Variants in COLEC11 observed in about 807,000 individuals in gnomAD.
COLEC11 encodes collectin subfamily member 11, also known as collectin-11.
In COLEC11, 20 loss-of-function variants were observed where a neutral mutation model predicts 27.3. The observed-to-expected ratio is 0.73, with a 90% confidence interval of 0.51 to 1.06. The LOEUF (loss-of-function observed/expected upper bound fraction) is 1.06. COLEC11 is among the 50% of genes least tolerant of loss of function. The pLI, the probability that COLEC11 is intolerant of heterozygous loss-of-function variation, is 0.00. For missense variants in COLEC11, 310 were observed against 383.0 expected, an observed-to-expected ratio of 0.81 and a Z score of 1.59; for synonymous variants, 163 against 154.7, an observed-to-expected ratio of 1.05 and a Z score of -0.40.
intron 4 of COLEC11, 103 bp downstream of exon 4, chr2:3,637,707 T>A (rs1665535736): frequency 1.1e-6 from 1 of 940,456 alleles, no homozygotes; most frequent in Non-Finnish European, 1.7e-6. Flanking sequence ...TCTGGTGCTC[T>A]TATTTATATT....
chr2:3,619,675 G>A (rs1409493148), intron 3 of COLEC11, among the ~76,000 whole-genome samples: 1 of 152,182 alleles, frequency 6.6e-6, no homozygotes, highest in Non-Finnish European at 1.5e-5. Flanking sequence ...GCCCAGGCTG[G>A]AGTGCAATGG....
At chr2:3,614,060 T>C (rs1424504760) in intron 3 of COLEC11, among the ~76,000 whole-genome samples, 2 of 150,282 alleles carry the variant, frequency 1.3e-5, no homozygotes, top group Admixed American at 1.3e-4. Flanking sequence ...CACTGTAACC[T>C]TCTCCTCCCA....
chr2:3,637,096 G>A (rs1005587309), intron 3 of COLEC11, among the ~76,000 whole-genome samples: 4 of 152,208 alleles, frequency 2.6e-5, no homozygotes, highest in Non-Finnish European at 4.4e-5. Flanking sequence ...CCACCAGACC[G>A]TGTTCCTGAC....
intron 2 of COLEC11, chr2:3,606,079 C>G: frequency 5.2e-6 from 8 of 1,549,768 alleles, no homozygotes; most frequent in Non-Finnish European, 6.1e-6. Context: ...GTGGCTTTGG[C>G]CCTGACTTTG....
chr2:3,613,910 A>G (rs745511050), intron 3 of COLEC11, among the ~76,000 whole-genome samples: 7 of 151,424 alleles, frequency 4.6e-5, no homozygotes, highest in Non-Finnish European at 7.4e-5. Context: ...TATGGTGGCT[A>G]TTATCTTTAT....
At chr2:3,605,787 C>T (rs185257177) in intron 2 of COLEC11, 48 of 285,774 alleles carry the variant, frequency 1.7e-4, no homozygotes, top group African/African-American at 9.8e-4. Context: ...CCCTGCTCAG[C>T]CCGTGTTGTA....
chr2:3,627,133 T>G (rs1664614511), intron 3 of COLEC11, among the ~76,000 whole-genome samples: 1 of 152,118 alleles, frequency 6.6e-6, no homozygotes, highest in Admixed American at 6.5e-5. Context: ...CTGTGGAGAC[T>G]CACCTGGAGA....
chr2:3,601,637 G>T (rs186453747), intron 1 of COLEC11, among the ~76,000 whole-genome samples: 1 of 152,106 alleles, frequency 6.6e-6, no homozygotes, highest in African/African-American at 2.4e-5. Flanking sequence ...TTGGACATCC[G>T]GGATGAGAGA....
At chr2:3,641,265 A>T in intron 5 of COLEC11, 1 of 1,304,310 alleles carries the variant, frequency 7.7e-7, no homozygotes, top group Non-Finnish European at 1.0e-6. Flanking sequence ...AGAGATGAGG[A>T]GGAACGGCTG....
chr2:3,599,408 G>T (rs1662069958), intron 1 of COLEC11, among the ~76,000 whole-genome samples: 1 of 152,200 alleles, frequency 6.6e-6, no homozygotes, highest in Non-Finnish European at 1.5e-5. Flanking sequence ...ACTGTGCGGG[G>T]GACAGGCATT....
At position 3,604,351 on chromosome 2, in the gene COLEC11, A is replaced by T; in HGVS notation, c.11A>T (p.Asn4Ile). MRG[N>I]LALVGVLISL... ...CTGCCTGCGCTCAGGATGAGGGGGA[A>T]TCTGGCCCTGGTGGGCGTTCTAATC... Residue 4 changes from asparagine (N) to isoleucine (I), a missense_variant, in exon 2 of 7, where the codon AAT becomes ATT. Transcript: ENST00000349077. 1 of 1,614,206 alleles carries T rather than the reference A, an allele frequency of 6.2e-7. No homozygotes were observed. Among genetic ancestry groups the T allele is most frequent in the Non-Finnish European group, 8.5e-7 (1 of 1,180,038 alleles).
chr2:3,604,821 T>G (rs1662513729), intron 2 of COLEC11, among the ~76,000 whole-genome samples: 1 of 152,126 alleles, frequency 6.6e-6, no homozygotes, highest in Admixed American at 6.5e-5. Context: ...ATAAGGAAAT[T>G]TGAGGGTCAG....
rs540968597 is a variant in COLEC11, at chr2:3,635,882, A to T, written c.203-1651A>T. Among the ~76,000 whole-genome samples the T allele has an allele frequency of 4.6e-5, 7 of 152,372 alleles. No individual in the cohort carries two copies. In the South Asian group the frequency reaches 1.2e-3, roughly 27 times the overall value. ...TGCCATGCCGGGCCATGTCATTTTC[A>T]TAGCCAGATAAGAGAATGCATGTGA... is the stretch of plus-strand genomic sequence containing the variant. On this transcript the variant is annotated intron_variant, in intron 3 of 6. Coordinates refer to ENST00000349077, the MANE Select transcript of COLEC11 (RefSeq NM_024027.5).
chr2:3,615,913 C>T (rs1421858543), intron 3 of COLEC11, among the ~76,000 whole-genome samples: 2 of 128,710 alleles, frequency 1.6e-5, no homozygotes, highest in Non-Finnish European at 3.5e-5. Context: ...CCCCCACCTC[C>T]CTCCCGGACG....
intron 1 of COLEC11, among the ~76,000 whole-genome samples, chr2:3,601,371 C>T (rs573771560): frequency 1.3e-5 from 2 of 152,178 alleles, no homozygotes; most frequent in African/African-American, 4.8e-5. Flanking sequence ...GTGTGATCAC[C>T]GCTCACTGCA....
At chr2:3,600,801 C>T (rs1200832958) in intron 1 of COLEC11, among the ~76,000 whole-genome samples, 1 of 152,202 alleles carries the variant, frequency 6.6e-6, no homozygotes, top group Non-Finnish European at 1.5e-5. Context: ...TCAAAAATGA[C>T]ACCTTGAGGT....
At chr2:3,639,277 T>A (rs538175084) in intron 4 of COLEC11, among the ~76,000 whole-genome samples, 1 of 152,340 alleles carries the variant, frequency 6.6e-6, no homozygotes, top group East Asian at 1.9e-4. Context: ...GACTCACACA[T>A]GGGGATGTGT....
chr2:3,631,268 G>T (rs1319105691), intron 3 of COLEC11, among the ~76,000 whole-genome samples: 1 of 152,124 alleles, frequency 6.6e-6, no homozygotes, highest in Admixed American at 6.6e-5. Flanking sequence ...AGATGCTTAG[G>T]CATTCTTCAA....
intron 2 of COLEC11, chr2:3,605,837 C>T (rs986651426): frequency 1.2e-5 from 5 of 434,720 alleles, no homozygotes; most frequent in African/African-American, 6.0e-5. Flanking sequence ...GCACAGGGTC[C>T]GGACAGCTCG....
Sources: allele counts gnomAD v4.1 joint callset (sites outside exome capture counted in the v4.1 genomes callset), GRCh38; gene constraint gnomAD v4.1.1; transcripts MANE v1.5; gene names NCBI Gene and HGNC (gene_info 2026-07-23, HGNC 2026-07-21).